Variants in NECAB1 observed in about 807,000 individuals in gnomAD.
The protein encoded by NECAB1 is N-terminal EF-hand calcium-binding protein 1.
NECAB1 carries 29 observed loss-of-function variants against 57.5 expected under a neutral mutation model. The ratio of observed to expected loss-of-function variants is 0.50; its 90% CI spans 0.38 to 0.69. The LOEUF (loss-of-function observed/expected upper bound fraction) is 0.69, where lower values mean the gene tolerates loss of function less well. Among genes scored for constraint, NECAB1 ranks in the 30% least tolerant of loss-of-function variants. NECAB1 has a pLI of 0.00. For missense variants in NECAB1, 372 were observed against 413.8 expected (o/e 0.90, Z 0.88); for synonymous variants, 142 against 147.7 (o/e 0.96, Z 0.28).
intron 5 of NECAB1, among the ~76,000 whole-genome samples, chr8:90,884,432 GA>G (rs1376706947): frequency 6.6e-6 from 1 of 152,136 alleles, no homozygotes; most frequent in African/African-American, 2.4e-5. Flanking sequence ...TGAAAAAGAT[GA>G]AATAGCAATA....
rs150635151 is a variant in NECAB1 at position 90,937,967 on chromosome 8, G to C, written c.748-2819G>C. ...TTGTTTTACAATGGTTGTTAAGAGA[G>C]TCAGTGAGAGCATACAAGAAAGGCT... On this transcript the variant is annotated intron_variant, in intron 9 of 12. Transcript: ENST00000417640. Among the ~76,000 whole-genome samples, 262 of 152,278 alleles carry C rather than the reference G, an allele frequency of 1.7e-3. 1 individual carries two copies. The highest frequency in any genetic ancestry group is 6.0e-3 in the African/African-American group (251 of 41,564).
rs750086283 is a variant in NECAB1 at position 90,958,814 on chromosome 8, ACCT to A, written c.*3306_*3308del. The A allele has an allele frequency of 3.5e-5, 15 of 433,072 alleles. No individual in the cohort carries two copies. The highest frequency in any genetic ancestry group is 4.9e-5 in the Non-Finnish European group (12 of 245,860). 26.8% of individuals were successfully genotyped at this position (433,072 alleles called of 1,614,324 possible). A position where few individuals can be genotyped will look rare whatever the true frequency, so the allele number is the denominator to read the frequency against. On this transcript the variant is annotated 3_prime_UTR_variant, in exon 13 of 13. Coordinates refer to ENST00000417640, the MANE Select transcript of NECAB1 (RefSeq NM_022351.5). ...TGTTACTTCCCAATTTATGCAGGAAACCTCCTGCAAAGCTGAAACTGATTAGAA... is the reference window on the plus strand; with the variant it reads ...TGTTACTTCCCAATTTATGCAGGAAACCTGCAAAGCTGAAACTGATTAGAA...
intron 6 of NECAB1, among the ~76,000 whole-genome samples, chr8:90,920,416 G>A (rs1382009360): frequency 1.3e-5 from 2 of 152,196 alleles, no homozygotes; most frequent in Non-Finnish European, 2.9e-5. Flanking sequence ...GCCACCAAAA[G>A]TGAGGAGAGC....
chr8:90,947,732 G>C (rs987194346), intron 10 of NECAB1, among the ~76,000 whole-genome samples: 26 of 152,134 alleles, frequency 1.7e-4, no homozygotes, highest in African/African-American at 6.3e-4. Context: ...TCAAAGTATT[G>C]TTATCATTAT....
Position 90,791,924 on chromosome 8 carries a change from ACTC to A in NECAB1, c.42_44del (p.Ser15del). 6.4e-7 allele frequency: 1 copy of A among 1,552,028 alleles called. No individual in the cohort carries two copies. The highest frequency in any genetic ancestry group is 8.7e-7 in the Non-Finnish European group (1 of 1,147,400). On this transcript the variant is annotated inframe_deletion, in exon 1 of 13. Transcript: ENST00000417640. ...CAGGAGACATCGCCGTCCTCCAACA[ACTC>A]CTCGGAGGAGCTCAGCTCTGCTCTG...
At chr8:90,927,867 C>G (rs534361042) in intron 7 of NECAB1, among the ~76,000 whole-genome samples, 4 of 150,746 alleles carry the variant, frequency 2.7e-5, no homozygotes, top group African/African-American at 9.8e-5. Flanking sequence ...TTCACTAGCT[C>G]TTGCCACTGA....
At chr8:90,949,393 T>C (rs1312003691) in intron 10 of NECAB1, among the ~76,000 whole-genome samples, 1 of 152,094 alleles carries the variant, frequency 6.6e-6, no homozygotes. Flanking sequence ...GGCAGAGGTA[T>C]GGTGGTTGAT....
intron 12 of NECAB1, among the ~76,000 whole-genome samples, chr8:90,955,141 T>C (rs1274537068): frequency 7.7e-6 from 1 of 129,660 alleles, no homozygotes; most frequent in African/African-American, 3.0e-5. Flanking sequence ...TATATATATA[T>C]ATATATATGG....
At chr8:90,835,845 A>C (rs759100532) in intron 3 of NECAB1, among the ~76,000 whole-genome samples, 6 of 152,216 alleles carry the variant, frequency 3.9e-5, no homozygotes, top group Non-Finnish European at 7.3e-5. Context: ...GGATATTTTG[A>C]TTTGATGTAA....
Position 90,792,107 on chromosome 8 carries a change from T to TACCTCCTTTCCCTCTAGAGAACC in NECAB1, c.99+125_99+126insTCCTTTCCCTCTAGAGAACCACC, listed in dbSNP as rs542088903. On this transcript the variant is annotated intron_variant, in intron 1 of 12. Transcript: ENST00000417640. ...TTGTCCCCAGAACACAGGCGAGAAC[T>TACCTCCTTTCCCTCTAGAGAACC]ACCGATGCAAATGCAGGAGGAACGA... 4.8e-4 allele frequency: 352 copies of TACCTCCTTTCCCTCTAGAGAACC among 735,320 alleles called. 1 individual carries two copies. In the African/African-American group the frequency reaches 5.3e-3, roughly 11 times the overall value. The allele number at this position is 735,320 out of a possible 1,614,324, so 45.5% of individuals were successfully genotyped here.
chr8:90,929,761 A>G (rs762582787), intron 8 of NECAB1, among the ~76,000 whole-genome samples: 1 of 152,200 alleles, frequency 6.6e-6, no homozygotes, highest in Non-Finnish European at 1.5e-5. Flanking sequence ...CTAACAAGGA[A>G]AGTAATATTT....
At chr8:90,835,135 A>G (rs1812351242) in intron 3 of NECAB1, among the ~76,000 whole-genome samples, 1 of 151,936 alleles carries the variant, frequency 6.6e-6, no homozygotes. Flanking sequence ...TTTGACTGGG[A>G]TTTACTGCTA....
chr8:90,847,211 A>G (rs895585901), intron 3 of NECAB1, among the ~76,000 whole-genome samples: 1 of 152,244 alleles, frequency 6.6e-6, no homozygotes, highest in African/African-American at 2.4e-5. Flanking sequence ...GGCCAAAACA[A>G]AGGGGCCACA....
At chr8:90,881,236 T>C in intron 5 of NECAB1, 106 bp downstream of exon 5, 1 of 743,218 alleles carries the variant, frequency 1.3e-6, no homozygotes, top group South Asian at 1.8e-5. Flanking sequence ...TTATCACTGA[T>C]AGTTTATTTT....
chr8:90,875,561 A>G lies in NECAB1; in HGVS notation c.259+3408A>G, dbSNP rs190044236. ...TACAGATGAGCGAAGAATAATTGCA[A>G]TGAATGTGCTTGATCTGAAAGCCTT... On this transcript the variant is annotated intron_variant, in intron 4 of 12. Transcript: ENST00000417640. 3.2e-3 allele frequency among the ~76,000 whole-genome samples: 476 copies of G among 151,098 alleles called. 2 individuals carry two copies. The highest frequency in any genetic ancestry group is 5.1e-3 in the Admixed American group (77 of 15,222).
intron 5 of NECAB1, 63 bp from the exon 6 acceptor site, chr8:90,917,429 A>C: frequency 6.7e-7 from 1 of 1,495,028 alleles, no homozygotes; most frequent in Non-Finnish European, 9.0e-7. Flanking sequence ...TAAAAGAAAA[A>C]AAAAAAATCC....
intron 5 of NECAB1, among the ~76,000 whole-genome samples, chr8:90,906,879 A>ATATATATATATATG (rs1809669934): frequency 1.1e-5 from 1 of 89,162 alleles, no homozygotes; most frequent in African/African-American, 5.9e-5. Flanking sequence ...ATATACACAT[A>ATATATATATATATG]TATATATATA....
chr8:90,921,308 C>T (rs1810104864), intron 6 of NECAB1, among the ~76,000 whole-genome samples: 1 of 152,138 alleles, frequency 6.6e-6, no homozygotes, highest in Non-Finnish European at 1.5e-5. Context: ...AACCACCACT[C>T]CCAGCCAATT....
At chr8:90,938,156 A>G (rs1810581574) in intron 9 of NECAB1, among the ~76,000 whole-genome samples, 3 of 152,226 alleles carry the variant, frequency 2.0e-5, no homozygotes, top group Admixed American at 2.0e-4. Context: ...GATGCAACAA[A>G]ATCTCATGTC....
Sources: allele counts gnomAD v4.1 joint callset (sites outside exome capture counted in the v4.1 genomes callset), GRCh38; gene constraint gnomAD v4.1.1; transcripts MANE v1.5; gene names NCBI Gene and HGNC (gene_info 2026-07-23, HGNC 2026-07-21).